USP34: variants seen among roughly 807,000 people sequenced by gnomAD.
USP34 encodes ubiquitin carboxyl-terminal hydrolase 34.
Under a neutral mutation model 460.3 loss-of-function variants are expected in USP34, and 70 were observed. The observed-to-expected ratio is 0.15, with a 90% CI of 0.13 to 0.19. The LOEUF (loss-of-function observed/expected upper bound fraction) is 0.19, where lower values mean the gene tolerates loss of function less well. Among genes scored for constraint, USP34 ranks in the 10% least tolerant of loss-of-function variants. The pLI is 1.00. For synonymous variants in USP34, 1,647 were observed against 1,405.3 expected, an observed-to-expected ratio of 1.17 and a Z score of -3.85; for missense variants, 3,985 against 4,236.2, an observed-to-expected ratio of 0.94 and a Z score of 1.65.
At chr2:61,466,446 T>C (rs1212041184) in intron 1 of USP34, among the ~76,000 whole-genome samples, 2 of 151,942 alleles carry the variant, frequency 1.3e-5, no homozygotes, top group African/African-American at 2.4e-5. Context: ...TAATATATGA[T>C]ACAGTTTCAA....
At chr2:61,340,774 A>T (rs1691572799) in intron 16 of USP34, among the ~76,000 whole-genome samples, 1 of 151,724 alleles carries the variant, frequency 6.6e-6, no homozygotes, top group Non-Finnish European at 1.5e-5. Context: ...CTTACTATTG[A>T]GTTATGAAAT....
At chr2:61,217,778 C>A (rs1436679769) in intron 67 of USP34, among the ~76,000 whole-genome samples, 1 of 152,008 alleles carries the variant, frequency 6.6e-6, no homozygotes, top group African/African-American at 2.4e-5. Context: ...TACGGTGAAA[C>A]CCCGTCTCTA....
At chr2:61,430,131 C>T (rs1233879985) in intron 1 of USP34, among the ~76,000 whole-genome samples, 2 of 150,544 alleles carry the variant, frequency 1.3e-5, no homozygotes, top group Non-Finnish European at 2.9e-5. Flanking sequence ...AGGAGAATGG[C>T]GTGGACCCGA....
chr2:61,343,689 A>G (rs1338818949), intron 16 of USP34, 126 bp downstream of exon 16: 2 of 960,344 alleles, frequency 2.1e-6, no homozygotes, highest in Non-Finnish European at 3.0e-6. Context: ...AAACTACCAT[A>G]TGTAAGTTAT....
intron 10 of USP34, among the ~76,000 whole-genome samples, chr2:61,365,168 C>T (rs1215914582): frequency 2.0e-5 from 3 of 151,508 alleles, no homozygotes; most frequent in Non-Finnish European, 4.4e-5. Context: ...AGGAGAACTG[C>T]TTGAACCAGG....
intron 2 of USP34, among the ~76,000 whole-genome samples, chr2:61,415,655 G>A (rs1694172854): frequency 6.6e-6 from 1 of 152,174 alleles, no homozygotes; most frequent in Non-Finnish European, 1.5e-5. Flanking sequence ...AGGAGGGTGA[G>A]GAGACAGGGG....
At chr2:61,324,371 C>T (rs1328848491) in intron 21 of USP34, among the ~76,000 whole-genome samples, 1 of 152,160 alleles carries the variant, frequency 6.6e-6, no homozygotes, top group East Asian at 1.9e-4. Context: ...TAAATGTCTC[C>T]ATCACCCATA....
At chr2:61,216,646 C>T (rs992358336) in intron 67 of USP34, among the ~76,000 whole-genome samples, 40 of 151,664 alleles carry the variant, frequency 2.6e-4, no homozygotes, top group African/African-American at 9.2e-4. Context: ...TGGCTGGGTA[C>T]GGTGACTCAT....
intron 5 of USP34, among the ~76,000 whole-genome samples, chr2:61,384,154 C>T (rs1386760563): frequency 6.6e-6 from 1 of 152,120 alleles, no homozygotes; most frequent in Non-Finnish European, 1.5e-5. Flanking sequence ...CAAGTACTTA[C>T]TAAGTTTACT....
At chr2:61,203,286 T>G (rs758848352) in intron 74 of USP34, 23 bp from the exon 75 acceptor site, 1 of 1,494,078 alleles carries the variant, frequency 6.7e-7, no homozygotes, top group South Asian at 1.5e-5. Flanking sequence ...GATGATAAAA[T>G]GGTTGCACTT....
intron 1 of USP34, among the ~76,000 whole-genome samples, chr2:61,459,611 C>T (rs1007265876): frequency 1.3e-5 from 2 of 152,034 alleles, no homozygotes; most frequent in Admixed American, 6.6e-5. Flanking sequence ...CCCGTCTCTA[C>T]TAAAAATACA....
Position 61,241,864 on chromosome 2 carries a change from T to C in USP34, c.6628-45A>G, listed in dbSNP as rs762783962. Reference sequence around the variant, plus strand: ...TTTTACTTCTTTGAAAAAATGGGTATACTCAGCTATATTTATATATAAATT... The same window carrying C: ...TTTTACTTCTTTGAAAAAATGGGTACACTCAGCTATATTTATATATAAATT... On this transcript the variant is annotated intron_variant, in intron 51 of 79. Transcript: ENST00000398571. 14 of 975,054 alleles carry C rather than the reference T, an allele frequency of 1.4e-5. No homozygotes were observed. In the East Asian group the frequency reaches 3.6e-4, roughly 25 times the overall value. The allele number at this position is 975,054 out of a possible 1,614,324, so 60.4% of individuals were successfully genotyped here.
intron 51 of USP34, among the ~76,000 whole-genome samples, chr2:61,243,111 G>C (rs538461396): frequency 1.3e-5 from 2 of 152,056 alleles, no homozygotes; most frequent in African/African-American, 4.8e-5. Context: ...CTCCCAAAGT[G>C]CTGAGATTAC....
chr2:61,248,809 T>G (rs779042806), intron 48 of USP34, 126 bp from the exon 49 acceptor site: 30 of 810,848 alleles, frequency 3.7e-5, no homozygotes, highest in African/African-American at 3.5e-5. Flanking sequence ...GTTCCCCTTA[T>G]CCACAGGGGA....
At position 61,284,947 on chromosome 2, in the gene USP34, A is replaced by G. The variant is rs200044658; in HGVS notation, c.4760T>C (p.Val1587Ala). Residue 1587 changes from valine to alanine, a missense_variant, in exon 35 of 80, where the codon GTT becomes GCT. This residue lies in a region of USP34 where 1,114 missense variants were observed against 1,122.5 expected (regional missense o/e 0.99). Coordinates refer to ENST00000398571, the MANE Select transcript of USP34 (RefSeq NM_014709.4). ...HIPRLTEVFL[V>A]LVQGTSLIQR... ...AATCAAACTGGTTCCTTGGACAAGAACAAGAAATACCTTTAAAACAAAAAC... is the reference window on the plus strand; with the variant it reads ...AATCAAACTGGTTCCTTGGACAAGAGCAAGAAATACCTTTAAAACAAAAAC... The G allele has an allele frequency of 2.4e-4, 382 of 1,609,598 alleles. 1 individual carries two copies. Among genetic ancestry groups the G allele is most frequent in the Admixed American group, 3.2e-4 (19 of 59,618 alleles).
intron 5 of USP34, among the ~76,000 whole-genome samples, chr2:61,393,894 T>C (rs763892840): frequency 1.4e-4 from 21 of 152,274 alleles, no homozygotes; most frequent in Non-Finnish European, 2.1e-4. Context: ...TCTCAGCACT[T>C]TGGGAGGCCA....
At chr2:61,388,793 A>G (rs1042647041) in intron 5 of USP34, among the ~76,000 whole-genome samples, 2 of 152,004 alleles carry the variant, frequency 1.3e-5, no homozygotes, top group Admixed American at 6.6e-5. Context: ...ATGTACACAC[A>G]CACACACACA....
intron 5 of USP34, among the ~76,000 whole-genome samples, chr2:61,391,941 T>C (rs1282912400): frequency 1.3e-5 from 2 of 152,200 alleles, no homozygotes; most frequent in Non-Finnish European, 2.9e-5. Flanking sequence ...TATAGTATTA[T>C]AGTATTACGG....
At chr2:61,335,626 G>A (rs1572944727) in intron 18 of USP34, among the ~76,000 whole-genome samples, 1 of 152,266 alleles carries the variant, frequency 6.6e-6, no homozygotes, top group Middle Eastern at 3.4e-3. Flanking sequence ...GCACATGCCT[G>A]TAGTCCCACC....
Sources: allele counts gnomAD v4.1 joint callset (sites outside exome capture counted in the v4.1 genomes callset), GRCh38; gene constraint gnomAD v4.1.1; regional missense constraint gnomAD v4.1.1; transcripts MANE v1.5; gene names NCBI Gene and HGNC (gene_info 2026-07-23, HGNC 2026-07-21).